Variants in VEGFC observed in about 807,000 individuals in gnomAD.
VEGFC encodes vascular endothelial growth factor C.
In VEGFC, 12 loss-of-function variants were observed where a neutral mutation model predicts 46.1. That is an observed-to-expected ratio of 0.26 (90% CI 0.17 to 0.42). The LOEUF (loss-of-function observed/expected upper bound fraction) is 0.42, where lower values mean the gene tolerates loss of function less well. Ranked by LOEUF, VEGFC falls within the 10% of genes least tolerant of loss-of-function variation. The pLI, the probability that VEGFC is intolerant of heterozygous loss-of-function variation, is 1.00. For missense variants in VEGFC, 488 were observed against 529.4 expected, an observed-to-expected ratio of 0.92 and a Z score of 0.77; for synonymous variants, 232 against 195.5, an observed-to-expected ratio of 1.19 and a Z score of -1.56.
chr4:176,729,977 G>T (rs551299823), intron 1 of VEGFC, among the ~76,000 whole-genome samples: 15 of 152,102 alleles, frequency 9.9e-5, no homozygotes, highest in African/African-American at 3.6e-4. Context: ...AAAATTTTGT[G>T]ATATAATTTT....
At chr4:176,787,393 G>T (rs144880831) in intron 1 of VEGFC, among the ~76,000 whole-genome samples, 1,672 of 145,530 alleles carry the variant, frequency 0.011, 35 homozygotes, top group African/African-American at 0.039. Flanking sequence ...CGAGGCAGAG[G>T]TTGCAGTGAG....
At chr4:176,764,042 A>AAT (rs1324585490) in intron 1 of VEGFC, among the ~76,000 whole-genome samples, 5 of 152,212 alleles carry the variant, frequency 3.3e-5, no homozygotes, top group African/African-American at 1.2e-4. Context: ...ACCATGATGG[A>AAT]ATAGCTTGTG....
intron 1 of VEGFC, among the ~76,000 whole-genome samples, chr4:176,740,964 C>T (rs1735161878): frequency 6.6e-6 from 1 of 151,840 alleles, no homozygotes; most frequent in Non-Finnish European, 1.5e-5. Context: ...TAAGAGCTTT[C>T]TGGATTTGAA....
chr4:176,687,996 A>C, intron 4 of VEGFC, 69 bp from the exon 5 acceptor site: 1 of 767,868 alleles, frequency 1.3e-6, no homozygotes. Flanking sequence ...CTCTGCTCAC[A>C]TATGTATCAA....
At position 176,693,636 on chromosome 4, in the gene VEGFC, G is replaced by C. The variant is rs1734251926; in HGVS notation, c.705-5709C>G. ...CAGGAAATACAGAGAATGCCACAAA[G>C]ATACTCCTCGAGAAGAGCAACTCCA... On this transcript the variant is annotated intron_variant, in intron 4 of 6. Coordinates refer to ENST00000618562, the MANE Select transcript of VEGFC (RefSeq NM_005429.5). Among the ~76,000 whole-genome samples, 4 of 146,886 alleles carry C rather than the reference G, an allele frequency of 2.7e-5. No individual in the cohort carries two copies. In the South Asian group the frequency reaches 8.4e-4, roughly 31 times the overall value.
chr4:176,788,286 G>A (rs2110957422), intron 1 of VEGFC, among the ~76,000 whole-genome samples: 1 of 152,318 alleles, frequency 6.6e-6, no homozygotes, highest in East Asian at 1.9e-4. Context: ...GTAAAGCCTG[G>A]AAGAAAGTCT....
At chr4:176,687,596 G>A in intron 5 of VEGFC, 76 bp from the exon 6 acceptor site, 4 of 1,359,782 alleles carry the variant, frequency 2.9e-6, no homozygotes, top group Middle Eastern at 2.5e-4. Flanking sequence ...GCTTTTAAAA[G>A]CATCTTCCTT....
intron 2 of VEGFC, among the ~76,000 whole-genome samples, chr4:176,728,494 G>A (rs546196628): frequency 4.6e-5 from 7 of 152,240 alleles, no homozygotes; most frequent in South Asian, 2.1e-4. Context: ...TGTCGTGGCT[G>A]CAGCTACATA....
chr4:176,772,859 C>G (rs925017900), intron 1 of VEGFC, among the ~76,000 whole-genome samples: 1 of 152,204 alleles, frequency 6.6e-6, no homozygotes, highest in Non-Finnish European at 1.5e-5. Context: ...ACTTTCCAGT[C>G]TTCAGAATTG....
intron 4 of VEGFC, among the ~76,000 whole-genome samples, chr4:176,706,994 ACT>A (rs1464174360): frequency 1.3e-5 from 2 of 151,902 alleles, no homozygotes; most frequent in African/African-American, 2.4e-5. Context: ...TAGAGAATGT[ACT>A]CTTTTTAGCC....
intron 1 of VEGFC, among the ~76,000 whole-genome samples, chr4:176,732,107 A>G (rs1166228622): frequency 6.6e-6 from 1 of 152,010 alleles, no homozygotes; most frequent in Admixed American, 6.6e-5. Flanking sequence ...AAATTAAAAG[A>G]CAATAAAGTA....
Position 176,687,224 on chromosome 4 carries a change from A to C in VEGFC, c.1108T>G (p.Leu370Val). ...TGGTGGAACTTCTTTCCTTTTAACA[A>C]GCATTTCTGTGGACTTTCTGTACAT... ...CECTESPQKC[L>V]LKGKKFHHQT... The change falls in exon 6 of 7, where the codon TTG (leucine) becomes GTG (valine). Residue 370 changes from leucine to valine, a missense_variant. By Grantham distance (32) the Leu-to-Val change is conservative. Transcript: ENST00000618562. The C allele has an allele frequency of 6.8e-6, 11 of 1,613,640 alleles. No homozygotes were observed. Among genetic ancestry groups the C allele is most frequent in the Non-Finnish European group, 9.3e-6 (11 of 1,179,886 alleles).
At chr4:176,715,681 T>C (rs1734688142) in intron 3 of VEGFC, among the ~76,000 whole-genome samples, 1 of 152,168 alleles carries the variant, frequency 6.6e-6, no homozygotes, top group African/African-American at 2.4e-5. Flanking sequence ...TTTGTGAATT[T>C]TTACATAGCT....
At chr4:176,723,173 T>C (rs1163294910) in intron 3 of VEGFC, among the ~76,000 whole-genome samples, 1 of 152,086 alleles carries the variant, frequency 6.6e-6, no homozygotes, top group Non-Finnish European at 1.5e-5. Context: ...TATTAACTAA[T>C]GAATGAGAGA....
chr4:176,727,631 A>C (rs1426912907), intron 3 of VEGFC, 147 bp downstream of exon 3: 2 of 693,076 alleles, frequency 2.9e-6, no homozygotes, highest in Non-Finnish European at 4.3e-6. Context: ...ACACTGAAAA[A>C]CTGACTTCAT....
chr4:176,720,489 GT>G (rs1300800365), intron 3 of VEGFC, among the ~76,000 whole-genome samples: 2 of 151,988 alleles, frequency 1.3e-5, no homozygotes, highest in Non-Finnish European at 2.9e-5. Context: ...GCCAACTACT[GT>G]GCTATTGTTC....
chr4:176,693,352 C>G (rs1734246394), intron 4 of VEGFC, among the ~76,000 whole-genome samples: 1 of 135,294 alleles, frequency 7.4e-6, no homozygotes, highest in Non-Finnish European at 1.5e-5. Context: ...GGAGCCGATG[C>G]AATCAACTGG....
intron 3 of VEGFC, among the ~76,000 whole-genome samples, chr4:176,723,482 G>T (rs549585299): frequency 7.5e-6 from 1 of 133,988 alleles, no homozygotes; most frequent in South Asian, 2.4e-4. Context: ...TTTAGGTTTG[G>T]GGGTCCATGT....
intron 3 of VEGFC, among the ~76,000 whole-genome samples, chr4:176,723,708 T>A (rs1734828107): frequency 6.6e-6 from 1 of 150,678 alleles, no homozygotes; most frequent in South Asian, 2.1e-4. Flanking sequence ...GGTAAACTTT[T>A]ATTTTAGGTT....
Sources: gnomAD v4.1 joint callset for allele counts (sites outside exome capture counted in the v4.1 genomes callset) on GRCh38, gnomAD v4.1.1 for gene constraint, MANE v1.5 for transcripts, NCBI Gene and HGNC (gene_info 2026-07-23, HGNC 2026-07-21) for gene names.